LARP1: variants seen among roughly 807,000 people sequenced by gnomAD.
The protein encoded by LARP1 is La ribonucleoprotein 1, translational regulator.
A neutral mutation model predicts 122.7 loss-of-function variants in LARP1; 36 were observed. The ratio of observed to expected loss-of-function variants is 0.29; its 90% CI spans 0.22 to 0.39. The LOEUF is 0.39. Ranked by LOEUF, LARP1 falls within the 10% of genes least tolerant of loss-of-function variation. LARP1 has a pLI of 1.00. For missense variants in LARP1, 1,040 were observed against 1,403.6 expected, an observed-to-expected ratio of 0.74 and a Z score of 4.14; for synonymous variants, 539 against 528.7, an observed-to-expected ratio of 1.02 and a Z score of -0.27.
At chr5:154,772,115 A>T (rs1193748509) in intron 1 of LARP1, among the ~76,000 whole-genome samples, 1 of 152,230 alleles carries the variant, frequency 6.6e-6, no homozygotes, top group Non-Finnish European at 1.5e-5. Context: ...TAAATATAAT[A>T]AGCATTGATG....
chr5:154,721,569 TC>T (rs1400326230), intron 1 of LARP1, among the ~76,000 whole-genome samples: 2 of 126,686 alleles, frequency 1.6e-5, no homozygotes, highest in Admixed American at 1.5e-4. Context: ...CAGGTGAACT[TC>T]CTTGTACCTC....
intron 1 of LARP1, chr5:154,705,529 C>A (rs1379077680): frequency 2.0e-5 from 3 of 152,178 alleles, no homozygotes; most frequent in African/African-American, 7.2e-5. Flanking sequence ...CCTGCCACCA[C>A]ACCGGGTAAA....
rs183969090 is a variant in LARP1, at chr5:154,699,740, A to G, written c.-180+16703A>G. On this transcript the variant is annotated intron_variant, in intron 1 of 18. Transcript: ENST00000687700. ...GGGCTCCATGGAACACCTGGAGGGG[A>G]CTGTTGAGTGGTGGAGGGACCGAGG... 5.3e-5 allele frequency among the ~76,000 whole-genome samples: 8 copies of G among 152,202 alleles called. 1 individual carries two copies. Among genetic ancestry groups the G allele is most frequent in the Non-Finnish European group, 1.2e-4 (8 of 68,012 alleles).
At chr5:154,792,560 C>A in intron 3 of LARP1, 62 bp from the exon 4 acceptor site, 1 of 1,493,460 alleles carries the variant, frequency 6.7e-7, no homozygotes, top group Admixed American at 1.8e-5. Flanking sequence ...CAGGGAGTGC[C>A]TTCCCTCCTA....
chr5:154,750,544 T>A (rs1753431956), upstream of LARP1, among the ~76,000 whole-genome samples: 1 of 152,092 alleles, frequency 6.6e-6, no homozygotes, highest in Non-Finnish European at 1.5e-5. Flanking sequence ...AGTGTTGGGA[T>A]TACAGGTGTG....
upstream of LARP1, among the ~76,000 whole-genome samples, chr5:154,752,417 A>G (rs1753549346): frequency 6.6e-6 from 1 of 151,344 alleles, no homozygotes; most frequent in Non-Finnish European, 1.5e-5. Context: ...TAATTTTTGT[A>G]TTTTTAGTAC....
chr5:154,718,930 A>C (rs1272153632), intron 1 of LARP1, among the ~76,000 whole-genome samples: 1 of 152,206 alleles, frequency 6.6e-6, no homozygotes. Context: ...TGGTGTGGGA[A>C]GGGGTGATGA....
At chr5:154,810,496 A>G (rs551868219) in intron 16 of LARP1, among the ~76,000 whole-genome samples, 45 of 151,428 alleles carry the variant, frequency 3.0e-4, no homozygotes, top group Non-Finnish European at 5.2e-4. Flanking sequence ...GTTTTGTTTT[A>G]TTTTATTTTG....
intron 14 of LARP1, among the ~76,000 whole-genome samples, chr5:154,805,511 T>C (rs1267084552): frequency 6.6e-6 from 1 of 152,234 alleles, no homozygotes; most frequent in African/African-American, 2.4e-5. Flanking sequence ...CAAACCCATG[T>C]TGTTCAAGGG....
At chr5:154,743,421 G>A (rs1753016075) in intron 1 of LARP1, among the ~76,000 whole-genome samples, 1 of 151,204 alleles carries the variant, frequency 6.6e-6, no homozygotes, top group Non-Finnish European at 1.5e-5. Context: ...CGATTCTCCT[G>A]CCTCAGCCTC....
chr5:154,769,025 G>T (rs1289816341), intron 1 of LARP1, among the ~76,000 whole-genome samples: 1 of 152,146 alleles, frequency 6.6e-6, no homozygotes, highest in Non-Finnish European at 1.5e-5. Context: ...TTTTAGTAGA[G>T]ACTGGGTTTT....
chr5:154,806,124 T>TTTCTCTGAC (rs1758758226), intron 15 of LARP1, 92 bp downstream of exon 15: 1 of 1,343,528 alleles, frequency 7.4e-7, no homozygotes, highest in Non-Finnish European at 1.0e-6. Context: ...AGGTGACTCT[T>TTTCTCTGAC]TTCTCTGACT....
chr5:154,774,854 C>A (rs1755735100), intron 1 of LARP1, among the ~76,000 whole-genome samples: 1 of 152,148 alleles, frequency 6.6e-6, no homozygotes, highest in African/African-American at 2.4e-5. Flanking sequence ...TGTATTTTGA[C>A]CAAAGTCTCT....
chr5:154,696,973 C>G (rs182395741), intron 1 of LARP1, among the ~76,000 whole-genome samples: 171 of 152,256 alleles, frequency 1.1e-3, no homozygotes, highest in Admixed American at 9.9e-3. Context: ...TGCATTTTTA[C>G]ATAAGATAAT....
chr5:154,705,519 C>T (rs1754908634), intron 1 of LARP1: 1 of 152,162 alleles, frequency 6.6e-6, no homozygotes, highest in East Asian at 1.9e-4. Context: ...ATTACAGGCA[C>T]CTGCCACCAC....
intron 1 of LARP1, among the ~76,000 whole-genome samples, chr5:154,696,195 A>G (rs1457673121): frequency 6.6e-6 from 1 of 152,084 alleles, no homozygotes; most frequent in Non-Finnish European, 1.5e-5. Flanking sequence ...TTTTTCTACA[A>G]AAAATTAAAA....
At chr5:154,810,576 C>T (rs1582490848) in intron 16 of LARP1, among the ~76,000 whole-genome samples, 1 of 152,202 alleles carries the variant, frequency 6.6e-6, no homozygotes, top group East Asian at 1.9e-4. Context: ...CAACCTCCAC[C>T]TCCCAGGTTC....
chr5:154,803,560 A>G lies in LARP1; in HGVS notation c.2254A>G (p.Asn752Asp), dbSNP rs760177062. 1.2e-6 allele frequency: 2 copies of G among 1,614,138 alleles called. No homozygotes were observed. Among genetic ancestry groups the G allele is most frequent in the South Asian group, 2.2e-5 (2 of 91,080 alleles). Reference protein sequence around the residue: ...FQQVPTDALANKLFGAPEPST... With the variant: ...FQQVPTDALADKLFGAPEPST... ...TGCAGTTCCTACGGATGCCCTGGCC[A>G]ACAAGTTGTTTGGTGCTCCTGAGCC... is the stretch of plus-strand genomic sequence containing the variant. Residue 752 changes from asparagine to aspartate, a missense_variant, in exon 13 of 19, where the codon AAC becomes GAC. By Grantham distance (23) the Asn-to-Asp change is conservative. Coordinates refer to ENST00000518297, the MANE Select transcript of LARP1 (RefSeq NM_033551.3). The surrounding 1 kb of genome is among the most constrained non-coding windows in gnomAD (Gnocchi z 4.4).
At chr5:154,791,298 C>T (rs1320046896) in intron 3 of LARP1, among the ~76,000 whole-genome samples, 2 of 152,106 alleles carry the variant, frequency 1.3e-5, no homozygotes, top group Non-Finnish European at 2.9e-5. Context: ...ACTGCAACCT[C>T]CACCTCCCAG....
Sources: allele counts gnomAD v4.1 joint callset (sites outside exome capture counted in the v4.1 genomes callset), GRCh38; gene constraint gnomAD v4.1.1; non-coding constraint Gnocchi (gnomAD v3.1); transcripts MANE v1.5; gene names NCBI Gene and HGNC (gene_info 2026-07-23, HGNC 2026-07-21).